GGACT: variants seen among roughly 807,000 people sequenced by gnomAD.
GGACT encodes gamma-glutamylamine cyclotransferase.
For synonymous variants in GGACT, 118 were observed against 115.3 expected (o/e 1.02, Z -0.15); for missense variants, 241 against 233.2 (o/e 1.03, Z -0.22).
intron 2 of GGACT, among the ~76,000 whole-genome samples, chr13:100,566,868 A>C (rs1391683949): frequency 1.3e-5 from 2 of 152,240 alleles, no homozygotes; most frequent in African/African-American, 4.8e-5. Flanking sequence ...GCTTTACAGC[A>C]AAAGGGCCCA....
chr13:100,541,555 G>A (rs2088555247), intron 2 of GGACT: 1 of 152,184 alleles, frequency 6.6e-6, no homozygotes, highest in African/African-American at 2.4e-5. Flanking sequence ...ACATCTTCTA[G>A]AAATATCTAC....
intron 2 of GGACT, among the ~76,000 whole-genome samples, chr13:100,568,620 C>T (rs527281786): frequency 6.6e-6 from 1 of 152,310 alleles, no homozygotes; most frequent in Non-Finnish European, 1.5e-5. Flanking sequence ...TGAGCCAAAC[C>T]ATAACATCCC....
At chr13:100,575,301 G>A (rs1875217126) in intron 2 of GGACT, among the ~76,000 whole-genome samples, 1 of 152,168 alleles carries the variant, frequency 6.6e-6, no homozygotes, top group Admixed American at 6.5e-5. Context: ...TTCATCGTAG[G>A]GGAGGAGTGA....
At chr13:100,583,096 C>T (rs1365272709) in intron 2 of GGACT, among the ~76,000 whole-genome samples, 1 of 152,192 alleles carries the variant, frequency 6.6e-6, no homozygotes, top group Non-Finnish European at 1.5e-5. Flanking sequence ...CAACACTTAG[C>T]AACATACGGC....
At chr13:100,577,691 T>C (rs1437401104) in intron 2 of GGACT, among the ~76,000 whole-genome samples, 1 of 152,108 alleles carries the variant, frequency 6.6e-6, no homozygotes, top group East Asian at 1.9e-4. Flanking sequence ...TATGGTGCAG[T>C]GATCTCTGAT....
intron 2 of GGACT, chr13:100,541,867 A>G (rs1409886447): frequency 6.6e-6 from 1 of 152,170 alleles, no homozygotes; most frequent in Non-Finnish European, 1.5e-5. Flanking sequence ...ACCAACTAAA[A>G]TTTTCTACAT....
chr13:100,587,560 C>T (rs1875616932), intron 1 of GGACT, among the ~76,000 whole-genome samples: 1 of 152,334 alleles, frequency 6.6e-6, no homozygotes, highest in Admixed American at 6.5e-5. Context: ...AGGTGCTCTT[C>T]ATCTGAGCAT....
At chr13:100,561,818 C>G (rs1313562684) in intron 2 of GGACT, among the ~76,000 whole-genome samples, 2 of 152,234 alleles carry the variant, frequency 1.3e-5, no homozygotes, top group African/African-American at 4.8e-5. Context: ...CCTGGATCTC[C>G]TTCTCTGTCC....
chr13:100,566,342 G>A (rs1874877579), intron 2 of GGACT, among the ~76,000 whole-genome samples: 1 of 152,222 alleles, frequency 6.6e-6, no homozygotes, highest in South Asian at 2.1e-4. Flanking sequence ...GCTCAGCCAT[G>A]CCTCACACTG....
chr13:100,557,892 G>C (rs1321835204), intron 2 of GGACT, among the ~76,000 whole-genome samples: 8 of 151,912 alleles, frequency 5.3e-5, no homozygotes, highest in Non-Finnish European at 1.0e-4. Flanking sequence ...TTAAAAGTAG[G>C]CAAAACAAAG....
In GGACT at chr13:100,530,400, CA is replaced by C; in HGVS notation, c.*1729del. On this transcript the variant is annotated 3_prime_UTR_variant, in exon 3 of 3. Transcript: ENST00000683975. ...CTTCTGCTGTGAGATTCCCTAGTGT[CA>C]AAATTAAATCAATAAAACTGAGCAT... is the stretch of plus-strand genomic sequence containing the variant. 1.7e-6 allele frequency: 1 copy of C among 596,282 alleles called. No individual in the cohort carries two copies. The highest frequency in any genetic ancestry group is 2.0e-5 in the South Asian group (1 of 50,458). The allele number at this position is 596,282 out of a possible 1,614,324, so 36.9% of individuals were successfully genotyped here.
At chr13:100,568,685 C>G (rs978778523) in intron 2 of GGACT, among the ~76,000 whole-genome samples, 1 of 152,226 alleles carries the variant, frequency 6.6e-6, no homozygotes, top group African/African-American at 2.4e-5. Context: ...CAATCATGCC[C>G]TCCCAACAGT....
In GGACT at chr13:100,531,964, C is replaced by A; in HGVS notation, c.*166G>T. ...GATGGGAGGGAAGCACCTTGCTATT[C>A]GTATCTCAACATTATTTGTAAAATC... On this transcript the variant is annotated 3_prime_UTR_variant, in exon 3 of 3. Coordinates refer to ENST00000683975, the MANE Select transcript of GGACT (RefSeq NM_001195087.2). The A allele has an allele frequency of 2.2e-6, 1 of 463,972 alleles. No individual in the cohort carries two copies. Among genetic ancestry groups the A allele is most frequent in the Non-Finnish European group, 3.7e-6 (1 of 272,510 alleles). The allele number at this position is 463,972 out of a possible 1,614,324, so 28.7% of individuals were successfully genotyped here.
At chr13:100,552,449 TGAA>T (rs2088673431) in intron 2 of GGACT, among the ~76,000 whole-genome samples, 1 of 152,182 alleles carries the variant, frequency 6.6e-6, no homozygotes, top group Non-Finnish European at 1.5e-5. Flanking sequence ...AGTTCTCTGT[TGAA>T]GAAGAGACTG....
intron 2 of GGACT, among the ~76,000 whole-genome samples, chr13:100,574,121 C>T (rs1174560886): frequency 6.6e-6 from 1 of 152,154 alleles, no homozygotes; most frequent in Admixed American, 6.5e-5. Flanking sequence ...ACAGCAAAGA[C>T]ATGGAACCAA....
At chr13:100,573,188 A>G (rs78343716) in intron 2 of GGACT, among the ~76,000 whole-genome samples, 23,366 of 152,126 alleles carry the variant, frequency 0.15, 2,122 homozygotes, top group Middle Eastern at 0.24. Context: ...TTAGCTCTCC[A>G]CAAGTCCTTA....
At chr13:100,558,694 A>G (rs1390278976) in intron 2 of GGACT, among the ~76,000 whole-genome samples, 1 of 152,230 alleles carries the variant, frequency 6.6e-6, no homozygotes. Context: ...AGACCTGTAC[A>G]TGACTGGAGG....
chr13:100,560,191 A>T (rs557358974), intron 2 of GGACT, among the ~76,000 whole-genome samples: 2 of 152,306 alleles, frequency 1.3e-5, no homozygotes, highest in East Asian at 3.9e-4. Context: ...ATGAGTATAT[A>T]TATTTATCAA....
chr13:100,541,202 T>C (rs974563469), intron 2 of GGACT, among the ~76,000 whole-genome samples: 2 of 152,224 alleles, frequency 1.3e-5, no homozygotes, highest in Non-Finnish European at 1.5e-5. Flanking sequence ...TCAGACACAG[T>C]GTGAGCCCAG....
Sources: gnomAD v4.1 joint callset for allele counts (sites outside exome capture counted in the v4.1 genomes callset) on GRCh38, gnomAD v4.1.1 for gene constraint, MANE v1.5 for transcripts, NCBI Gene and HGNC (gene_info 2026-07-23, HGNC 2026-07-21) for gene names.